The following MSRB3 variants were observed in gnomAD, a reference collection of about 807,000 sequenced individuals.
MSRB3 encodes methionine-R-sulfoxide reductase B3.
MSRB3 carries 13 observed loss-of-function variants against 21.0 expected under a neutral mutation model. The observed-to-expected ratio is 0.62, with a 90% CI of 0.40 to 0.98. MSRB3 has a LOEUF of 0.98. MSRB3 is among the 50% of genes least tolerant of loss of function. MSRB3 has a pLI of 0.00. For synonymous variants in MSRB3, 87 were observed against 88.6 expected (o/e 0.98, Z 0.10); for missense variants, 199 against 230.3 (o/e 0.86, Z 0.88).
At chr12:65,423,270 A>G (rs935199578) in intron 5 of MSRB3, among the ~76,000 whole-genome samples, 2 of 152,088 alleles carry the variant, frequency 1.3e-5, no homozygotes, top group African/African-American at 2.4e-5. Flanking sequence ...TGGGTCTTCT[A>G]TATATAGGAT....
At chr12:65,391,557 T>A (rs1879483045) in intron 5 of MSRB3, among the ~76,000 whole-genome samples, 1 of 152,182 alleles carries the variant, frequency 6.6e-6, no homozygotes, top group Admixed American at 6.5e-5. Flanking sequence ...TAATTTATAT[T>A]CATACAAGTA....
At chr12:65,334,202 CTAATGA>C (rs1158725152) in intron 4 of MSRB3, among the ~76,000 whole-genome samples, 2 of 152,166 alleles carry the variant, frequency 1.3e-5, no homozygotes, top group African/African-American at 4.8e-5. Context: ...TATAGGTTCA[CTAATGA>C]TAATGATAAT....
intron 1 of MSRB3, among the ~76,000 whole-genome samples, chr12:65,286,884 G>A (rs1872382131): frequency 6.6e-6 from 1 of 150,976 alleles, no homozygotes; most frequent in Non-Finnish European, 1.5e-5. Flanking sequence ...AGCAAGGTGT[G>A]CTGGCATGCA....
intron 4 of MSRB3, among the ~76,000 whole-genome samples, chr12:65,354,826 A>G (rs1430799235): frequency 6.6e-6 from 1 of 151,838 alleles, no homozygotes; most frequent in Non-Finnish European, 1.5e-5. Context: ...GATTTTGAAG[A>G]TGTTAGGATA....
chr12:65,399,849 A>G (rs758450598), intron 5 of MSRB3, among the ~76,000 whole-genome samples: 68 of 152,298 alleles, frequency 4.5e-4, no homozygotes, highest in Non-Finnish European at 4.3e-4. Flanking sequence ...TTCTGCATCT[A>G]TTGAGATAAT....
intron 5 of MSRB3, among the ~76,000 whole-genome samples, chr12:65,420,619 CCCT>C (rs1305805302): frequency 6.6e-6 from 1 of 151,932 alleles, no homozygotes; most frequent in African/African-American, 2.4e-5. Flanking sequence ...CTGATCCTTT[CCCT>C]CCTCCTGCCC....
intron 1 of MSRB3, among the ~76,000 whole-genome samples, chr12:65,295,292 T>C (rs1872898441): frequency 6.6e-6 from 1 of 152,264 alleles, no homozygotes; most frequent in South Asian, 2.1e-4. Context: ...CTTAGGATTC[T>C]TGTCTTTTTC....
intron 4 of MSRB3, among the ~76,000 whole-genome samples, chr12:65,357,344 A>G (rs916346341): frequency 1.3e-5 from 2 of 151,890 alleles, no homozygotes; most frequent in African/African-American, 2.4e-5. Flanking sequence ...GACCTGAACT[A>G]TTATAAGCCT....
intron 5 of MSRB3, among the ~76,000 whole-genome samples, chr12:65,405,350 C>A (rs1880355701): frequency 6.6e-6 from 1 of 151,882 alleles, no homozygotes; most frequent in African/African-American, 2.4e-5. Flanking sequence ...ACATAATGTC[C>A]TCTAGGTTCG....
chr12:65,391,393 G>A (rs1342923997), intron 5 of MSRB3, among the ~76,000 whole-genome samples: 2 of 152,202 alleles, frequency 1.3e-5, no homozygotes, highest in Non-Finnish European at 2.9e-5. Context: ...ATTAGTGACA[G>A]GAGAGTATTT....
chr12:65,339,290 ACTT>A (rs201563578), intron 4 of MSRB3, among the ~76,000 whole-genome samples: 172 of 152,260 alleles, frequency 1.1e-3, no homozygotes, highest in East Asian at 6.0e-3. Context: ...CATTGTCCCC[ACTT>A]CTTCTGCACT....
chr12:65,437,639 G>C (rs1477812972), intron 5 of MSRB3, among the ~76,000 whole-genome samples: 1 of 147,098 alleles, frequency 6.8e-6, no homozygotes, highest in African/African-American at 2.5e-5. Flanking sequence ...ACTAAACCAA[G>C]AAAAAAAAAA....
At chr12:65,402,375 T>C (rs1880177578) in intron 5 of MSRB3, among the ~76,000 whole-genome samples, 1 of 152,218 alleles carries the variant, frequency 6.6e-6, no homozygotes, top group Non-Finnish European at 1.5e-5. Flanking sequence ...CTTCAGTCAC[T>C]GATATCTTTT....
chr12:65,429,451 A>G (rs774804591), intron 5 of MSRB3, among the ~76,000 whole-genome samples: 3 of 152,160 alleles, frequency 2.0e-5, no homozygotes, highest in Non-Finnish European at 4.4e-5. Context: ...CACAAGGGGA[A>G]GAGTGGTTTG....
chr12:65,428,372 G>T (rs1243607581), intron 5 of MSRB3, among the ~76,000 whole-genome samples: 1 of 151,968 alleles, frequency 6.6e-6, no homozygotes, highest in African/African-American at 2.4e-5. Flanking sequence ...GGACTCTCTG[G>T]GGTTATTTTG....
At chr12:65,424,900 G>T (rs1448983132) in intron 5 of MSRB3, among the ~76,000 whole-genome samples, 2 of 93,494 alleles carry the variant, frequency 2.1e-5, no homozygotes, top group African/African-American at 8.0e-5. Flanking sequence ...ACTATTGAAA[G>T]TGAAAATATT....
chr12:65,407,315 A>C (rs1880467995), intron 5 of MSRB3, among the ~76,000 whole-genome samples: 1 of 151,098 alleles, frequency 6.6e-6, no homozygotes, highest in South Asian at 2.1e-4. Flanking sequence ...AATCTTTCAG[A>C]GTACAGTATT....
chr12:65,455,359 G>C (rs946828936), intron 6 of MSRB3, among the ~76,000 whole-genome samples: 2 of 151,952 alleles, frequency 1.3e-5, no homozygotes, highest in African/African-American at 2.4e-5. Context: ...GCTCACTCTT[G>C]TTTCTCAGAG....
intron 1 of MSRB3, among the ~76,000 whole-genome samples, chr12:65,296,025 T>C (rs138248302): frequency 2.6e-5 from 4 of 152,352 alleles, no homozygotes; most frequent in African/African-American, 7.2e-5. Context: ...GCTATTCACA[T>C]TGGAGTTGAC....
Sources: allele counts gnomAD v4.1 joint callset (sites outside exome capture counted in the v4.1 genomes callset), GRCh38; gene constraint gnomAD v4.1.1; transcripts MANE v1.5; gene names NCBI Gene and HGNC (gene_info 2026-07-23, HGNC 2026-07-21).